HSD17B13: variants seen among roughly 807,000 people sequenced by gnomAD.
HSD17B13 encodes the protein 17-beta-hydroxysteroid dehydrogenase 13.
HSD17B13 carries 26 observed loss-of-function variants against 31.1 expected under a neutral mutation model. That is an observed-to-expected ratio of 0.84 (90% CI 0.61 to 1.16). The LOEUF (loss-of-function observed/expected upper bound fraction) is 1.16. Ranked by LOEUF, HSD17B13 falls within the 50% of genes most tolerant of loss-of-function variation. The pLI is 0.00. For missense variants in HSD17B13, 374 were observed against 366.5 expected (o/e 1.02, Z -0.17); for synonymous variants, 141 against 133.7 (o/e 1.05, Z -0.38).
rs1734705031 is a variant in HSD17B13 at position 87,318,373 on chromosome 4, C to A, written c.274G>T (p.Val92Leu). The change falls in exon 2 of 7, where the codon GTA becomes TTA. Residue 92 changes from valine to leucine, a missense_variant. By Grantham distance (32) the Val-to-Leu change is conservative. Transcript: ENST00000328546. ...KLGVTAHAYV[V>L]DCSNREEIYR... ...ATCTCTTCTCTGTTGCTGCAGTCTACCACATACGCATGCGCAGTGACGCCT... is the reference window on the plus strand; with the variant it reads ...ATCTCTTCTCTGTTGCTGCAGTCTAACACATACGCATGCGCAGTGACGCCT... 1 of 1,614,154 alleles carries A rather than the reference C, an allele frequency of 6.2e-7. No homozygotes were observed.
Position 87,312,509 on chromosome 4 carries a change from C to T in HSD17B13, c.695+1314G>A, listed in dbSNP as rs1031525268. 1.4e-5 allele frequency among the ~76,000 whole-genome samples: 2 copies of T among 146,122 alleles called. 1 individual carries two copies. The highest frequency in any genetic ancestry group is 4.2e-4 in the East Asian group (2 of 4,750). On this transcript the variant is annotated intron_variant, in intron 5 of 6. Coordinates refer to ENST00000328546, the MANE Select transcript of HSD17B13 (RefSeq NM_178135.5). ...GTAAGGCTTCTAAATAAAATTAACA[C>T]CTTTAATTCTTTTTTTTTTTTTTTT...
chr4:87,309,705 A>G (rs927650018), intron 6 of HSD17B13, among the ~76,000 whole-genome samples: 24 of 152,186 alleles, frequency 1.6e-4, no homozygotes, highest in African/African-American at 5.8e-4. Flanking sequence ...TAGTTAGAAT[A>G]GTCTTCAGCA....
In HSD17B13 at chr4:87,315,687, G is replaced by A. The variant is rs535207685; in HGVS notation, c.451-88C>T. The A allele has an allele frequency of 1.7e-4, 116 of 680,026 alleles. No homozygotes were observed. The African/African-American group carries it at 1.8e-3, about 10-fold the overall frequency. 42.1% of individuals were successfully genotyped at this position (680,026 alleles called of 1,614,324 possible). A position where few individuals can be genotyped will look rare whatever the true frequency, so the allele number is the denominator to read the frequency against. ...AGTTTTATTTTTGTTAAGACAGAAA[G>A]GCATTTGAGAGAACTTATACAATGA... On this transcript the variant is annotated intron_variant, in intron 3 of 6. Coordinates refer to ENST00000328546, the MANE Select transcript of HSD17B13 (RefSeq NM_178135.5).
At chr4:87,317,326 G>T in intron 2 of HSD17B13, 103 bp from the exon 3 acceptor site, 1 of 1,134,170 alleles carries the variant, frequency 8.8e-7, no homozygotes, top group Non-Finnish European at 1.3e-6. Flanking sequence ...ATTGTATGAG[G>T]TCTCTCAGAG....
chr4:87,321,880 A>G (rs1734795191), intron 1 of HSD17B13, among the ~76,000 whole-genome samples: 1 of 152,220 alleles, frequency 6.6e-6, no homozygotes, highest in South Asian at 2.1e-4. Context: ...TTCCAATCCT[A>G]AAATCCTGTA....
intron 1 of HSD17B13, among the ~76,000 whole-genome samples, chr4:87,320,935 C>G (rs1179171599): frequency 2.0e-5 from 3 of 152,160 alleles, no homozygotes; most frequent in South Asian, 2.1e-4. Context: ...TACATTACAG[C>G]CTTAGAGTGA....
intron 5 of HSD17B13, among the ~76,000 whole-genome samples, chr4:87,310,679 A>T (rs1350277909): frequency 6.6e-6 from 1 of 152,234 alleles, no homozygotes; most frequent in African/African-American, 2.4e-5. Flanking sequence ...AGGATTAATC[A>T]TGGGACAGGA....
At chr4:87,317,617 T>A (rs1456824040) in intron 2 of HSD17B13, among the ~76,000 whole-genome samples, 2 of 134,658 alleles carry the variant, frequency 1.5e-5, no homozygotes, top group Non-Finnish European at 3.1e-5. Context: ...CTATGTTGCC[T>A]GGGCTGGTCT....
At chr4:87,316,853 T>C (rs1734659155) in intron 3 of HSD17B13, among the ~76,000 whole-genome samples, 1 of 152,194 alleles carries the variant, frequency 6.6e-6, no homozygotes, top group African/African-American at 2.4e-5. Context: ...AAGCTTTGTG[T>C]CAGATACTGG....
intron 1 of HSD17B13, among the ~76,000 whole-genome samples, chr4:87,319,843 A>G (rs916542954): frequency 2.0e-5 from 3 of 152,286 alleles, no homozygotes; most frequent in African/African-American, 7.2e-5. Context: ...CTTTCCTAAG[A>G]TAAAATTGCT....
intron 6 of HSD17B13, among the ~76,000 whole-genome samples, chr4:87,309,384 CAAAAAAA>C (rs369280214): frequency 2.0e-4 from 10 of 50,110 alleles, no homozygotes; most frequent in Admixed American, 5.4e-4. Context: ...AACTCTGTCT[CAAAAAAA>C]AAAAAAAAAA....
chr4:87,308,485 TAAAAAAAA>T lies in HSD17B13; in HGVS notation c.812+1750_812+1757del, dbSNP rs893354684. On this transcript the variant is annotated intron_variant, in intron 6 of 6. Coordinates refer to ENST00000328546, the MANE Select transcript of HSD17B13 (RefSeq NM_178135.5). ...TAACAGGGTGAAACCCCGTCTCTAC[TAAAAAAAA>T]AAAAAAAAAAAAAAAAAAAAAAAAA... Among the ~76,000 whole-genome samples the T allele has an allele frequency of 1.5e-3, 49 of 33,206 alleles. 1 individual carries two copies. The highest frequency in any genetic ancestry group is 3.0e-3 in the African/African-American group (49 of 16,332). 21.8% of individuals were successfully genotyped at this position (33,206 alleles called of 152,430 possible).
intron 4 of HSD17B13, among the ~76,000 whole-genome samples, chr4:87,315,208 C>A (rs1734623893): frequency 6.6e-6 from 1 of 152,142 alleles, no homozygotes; most frequent in Non-Finnish European, 1.5e-5. Flanking sequence ...GGGCGTACAC[C>A]AAGTAACCAG....
chr4:87,308,932 C>CAAAAAAAAAAA (rs57491954), intron 6 of HSD17B13, among the ~76,000 whole-genome samples: 1 of 127,040 alleles, frequency 7.9e-6, no homozygotes, highest in African/African-American at 3.0e-5. Context: ...AGGAATCTAC[C>CAAAAAAAAAAA]AAAAAAAAAA....
chr4:87,312,458 C>A (rs897217087), intron 5 of HSD17B13, among the ~76,000 whole-genome samples: 1 of 150,726 alleles, frequency 6.6e-6, no homozygotes, highest in Non-Finnish European at 1.5e-5. Context: ...TGCTCTCAGG[C>A]TATAGGCCTC....
At chr4:87,312,223 G>A (rs912950388) in intron 5 of HSD17B13, among the ~76,000 whole-genome samples, 1 of 152,124 alleles carries the variant, frequency 6.6e-6, no homozygotes, top group African/African-American at 2.4e-5. Flanking sequence ...AGTTGCAATA[G>A]TACTATAGTA....
intron 6 of HSD17B13, among the ~76,000 whole-genome samples, chr4:87,306,905 T>TAAAAAAAAAAAAA (rs67775053): frequency 2.3e-5 from 1 of 44,284 alleles, no homozygotes; most frequent in African/African-American, 1.2e-4. Context: ...AGACCCAATC[T>TAAAAAAAAAAAAA]AAAAAAAAAA....
intron 3 of HSD17B13, 42 bp downstream of exon 3, chr4:87,317,050 G>A (rs1560749848): frequency 6.2e-7 from 1 of 1,600,974 alleles, no homozygotes; most frequent in Non-Finnish European, 8.6e-7. Flanking sequence ...TGTATCTTAA[G>A]AGAAGGTGCA....
rs773686851 is a variant in HSD17B13, at chr4:87,313,857, C to T, written c.661G>A (p.Val221Met). Residue 221 changes from valine to methionine, a missense_variant, in exon 5 of 7, where the codon GTG becomes ATG. Val to Met is a conservative substitution (Grantham distance 21, BLOSUM62 1). Coordinates refer to ENST00000328546, the MANE Select transcript of HSD17B13 (RefSeq NM_178135.5). Reference sequence around the variant, plus strand: ...GGATTTTTGGTGAACCCAGTATTCACAAAAACTGGGCAGAGACATGAGGTT... The same window carrying T: ...GGATTTTTGGTGAACCCAGTATTCATAAAAACTGGGCAGAGACATGAGGTT... Reference protein sequence around the residue: ...IKTSCLCPVFVNTGFTKNPST... With the variant: ...IKTSCLCPVFMNTGFTKNPST... 6.2e-6 allele frequency: 10 copies of T among 1,612,410 alleles called. No homozygotes were observed. The highest frequency in any genetic ancestry group is 1.6e-4 in the Middle Eastern group (1 of 6,078).
Sources: allele counts gnomAD v4.1 joint callset (sites outside exome capture counted in the v4.1 genomes callset), GRCh38; gene constraint gnomAD v4.1.1; transcripts MANE v1.5; gene names NCBI Gene and HGNC (gene_info 2026-07-23, HGNC 2026-07-21).